Variants in NAV3 observed in about 807,000 individuals in gnomAD.
NAV3 encodes the protein neuron navigator 3, also known as pore membrane and/or filament interacting like protein 1.
A neutral mutation model predicts 244.7 loss-of-function variants in NAV3; 87 were observed. That is an observed-to-expected ratio of 0.36 (90% CI 0.30 to 0.42). The LOEUF is 0.42. Among genes scored for constraint, NAV3 ranks in the 20% least tolerant of loss-of-function variants. NAV3 has a pLI of 1.00. For synonymous variants in NAV3, 1,126 were observed against 1,042.2 expected, an observed-to-expected ratio of 1.08 and a Z score of -1.55; for missense variants, 2,663 against 2,893.3, an observed-to-expected ratio of 0.92 and a Z score of 1.83.
At chr12:77,694,440 T>A (rs1875195007) in intron 2 of NAV3, among the ~76,000 whole-genome samples, 1 of 150,280 alleles carries the variant, frequency 6.7e-6, no homozygotes, top group Non-Finnish European at 1.5e-5. Context: ...ACCACTGCAC[T>A]CCAGCCTGGG....
chr12:77,859,758 C>CAAAAAAAAAAAAA (rs61516625), intron 1 of NAV3, among the ~76,000 whole-genome samples: 17 of 68,714 alleles, frequency 2.5e-4, no homozygotes, highest in East Asian at 1.1e-3. Flanking sequence ...CTTTCAAATG[C>CAAAAAAAAAAAAA]AAAAAAAAAA....
At chr12:77,994,233 A>G (rs1871944211) in intron 5 of NAV3, among the ~76,000 whole-genome samples, 2 of 152,382 alleles carry the variant, frequency 1.3e-5, no homozygotes, top group South Asian at 4.1e-4. Context: ...CCAAGACAAA[A>G]CATCTTTTAT....
intron 2 of NAV3, among the ~76,000 whole-genome samples, chr12:77,727,669 T>C (rs1003398645): frequency 5.9e-5 from 9 of 151,920 alleles, no homozygotes; most frequent in African/African-American, 9.7e-5. Flanking sequence ...GTTCTAAAAA[T>C]TCTGTTCTAA....
chr12:78,104,888 A>T (rs1439415089), intron 12 of NAV3, among the ~76,000 whole-genome samples: 1 of 152,160 alleles, frequency 6.6e-6, no homozygotes, highest in African/African-American at 2.4e-5. Flanking sequence ...GCTTGAAATT[A>T]ATCTATGTCA....
rs200243531 is a variant in NAV3 at position 78,180,990 on chromosome 12, G to C, written c.5637G>C (p.Arg1879Ser). The change falls in exon 30 of 40, where the codon AGG (arginine) becomes AGC (serine). Residue 1879 changes from arginine to serine, a missense_variant. Transcript: ENST00000397909. The part of the protein sequence containing the change: ...SSSSTSSSSS[R>S]QSLGLSLNNL... ...GCAGCACCTCCTCTTCATCTTCCAGGCAGTCATTAGGACTTTCTCTAAACA... is the reference window on the plus strand; with the variant it reads ...GCAGCACCTCCTCTTCATCTTCCAGCCAGTCATTAGGACTTTCTCTAAACA... 6.2e-7 allele frequency: 1 copy of C among 1,613,082 alleles called. No individual in the cohort carries two copies. The highest frequency in any genetic ancestry group is 1.3e-5 in the African/African-American group (1 of 74,816).
At chr12:77,808,900 C>A (rs1019939787) in intron 2 of NAV3, among the ~76,000 whole-genome samples, 57 of 152,338 alleles carry the variant, frequency 3.7e-4, no homozygotes, top group African/African-American at 1.3e-3. Flanking sequence ...GGGAGGCAGT[C>A]TGGCTACAGT....
intron 36 of NAV3, 21 bp downstream of exon 36, chr12:78,198,697 T>C: frequency 6.6e-7 from 1 of 1,521,632 alleles, no homozygotes; most frequent in Non-Finnish European, 8.9e-7. Flanking sequence ...GTTGAAGGTT[T>C]TTTTGTTTTG....
rs373904713 is a variant in NAV3 at position 78,122,075 on chromosome 12, G to A, written c.3885G>A (p.Thr1295=). Reference sequence around the variant, plus strand: ...GTCTGGAGTCACCGTCGTCCGGTACGGGCAGCATGGGCAGTGCTGGTGGGC... The same window carrying A: ...GTCTGGAGTCACCGTCGTCCGGTACAGGCAGCATGGGCAGTGCTGGTGGGC... The part of the protein sequence containing the change: ...QGSLESPSSG[T]GSMGSAGGLS... The change falls in exon 16 of 40, where the codon ACG becomes ACA. Residue 1295 remains threonine, a synonymous_variant. Coordinates refer to ENST00000397909, the MANE Select transcript of NAV3 (RefSeq NM_001024383.2). 8.1e-6 allele frequency: 13 copies of A among 1,614,036 alleles called. No individual in the cohort carries two copies. The highest frequency in any genetic ancestry group is 5.3e-5 in the African/African-American group (4 of 74,920).
intron 2 of NAV3, among the ~76,000 whole-genome samples, chr12:77,772,390 T>C (rs963130984): frequency 2.0e-5 from 3 of 152,164 alleles, no homozygotes; most frequent in Non-Finnish European, 4.4e-5. Flanking sequence ...TGCCATCAAA[T>C]TAAATATTTT....
intron 5 of NAV3, among the ~76,000 whole-genome samples, chr12:77,972,569 T>C (rs927864915): frequency 3.9e-5 from 6 of 152,074 alleles, no homozygotes; most frequent in Non-Finnish European, 8.8e-5. Flanking sequence ...ATTCAGTATT[T>C]CTTAATTTTC....
intron 4 of NAV3, among the ~76,000 whole-genome samples, chr12:77,967,803 C>A (rs1322771473): frequency 6.6e-6 from 1 of 152,006 alleles, no homozygotes; most frequent in Non-Finnish European, 1.5e-5. Context: ...ACAAGGATTT[C>A]TGCTTATTCA....
chr12:78,003,384 A>G (rs1873663511), intron 7 of NAV3, among the ~76,000 whole-genome samples: 1 of 152,196 alleles, frequency 6.6e-6, no homozygotes, highest in Non-Finnish European at 1.5e-5. Flanking sequence ...AGTATCCTAT[A>G]TTCAGCAGGG....
intron 2 of NAV3, among the ~76,000 whole-genome samples, chr12:77,776,994 T>C (rs1565809573): frequency 6.6e-6 from 1 of 152,188 alleles, no homozygotes; most frequent in Non-Finnish European, 1.5e-5. Flanking sequence ...ACTCATTTAT[T>C]CAGTGAAATA....
At position 78,031,718 on chromosome 12, in the gene NAV3, C is replaced by T. The variant is rs1434277562; in HGVS notation, c.2023+9856C>T. 2.5e-5 allele frequency among the ~76,000 whole-genome samples: 3 copies of T among 121,228 alleles called. No individual in the cohort carries two copies. The East Asian group carries it at 7.3e-4, about 29-fold the overall frequency. 79.5% of individuals were successfully genotyped at this position (121,228 alleles called of 152,430 possible). On this transcript the variant is annotated intron_variant, in intron 9 of 39. Transcript: ENST00000397909. ...CATGGACACAGGAAGGGGAATATCA[C>T]ACTCTGGCGACTGTGGTGGGGTGGG... is the stretch of plus-strand genomic sequence containing the variant.
At chr12:78,169,610 GC>G (rs777729445) in intron 24 of NAV3, among the ~76,000 whole-genome samples, 25 of 151,538 alleles carry the variant, frequency 1.6e-4, no homozygotes, top group Non-Finnish European at 2.8e-4. Flanking sequence ...AAACATGAAT[GC>G]CTTATTATCT....
chr12:77,574,422 A>C (rs1347329125), intron 2 of NAV3, among the ~76,000 whole-genome samples: 2 of 152,186 alleles, frequency 1.3e-5, no homozygotes, highest in South Asian at 2.1e-4. Flanking sequence ...AACATCATAA[A>C]TCTTTGTAGA....
chr12:77,972,918 C>T (rs1267149533), intron 5 of NAV3, among the ~76,000 whole-genome samples: 1 of 151,950 alleles, frequency 6.6e-6, no homozygotes, highest in African/African-American at 2.4e-5. Flanking sequence ...CAGTACCTAG[C>T]ACATACCAGA....
At chr12:77,771,429 A>G (rs1870079071) in intron 2 of NAV3, among the ~76,000 whole-genome samples, 1 of 151,218 alleles carries the variant, frequency 6.6e-6, no homozygotes, top group African/African-American at 2.4e-5. Flanking sequence ...TACCCAAAGG[A>G]CTATAAATCA....
intron 1 of NAV3, among the ~76,000 whole-genome samples, chr12:77,938,173 G>A (rs755691452): frequency 4.6e-5 from 7 of 152,136 alleles, no homozygotes; most frequent in Non-Finnish European, 7.4e-5. Context: ...GTTTCTACTA[G>A]AAGGCCAAAA....
Sources: gnomAD v4.1 joint callset for allele counts (sites outside exome capture counted in the v4.1 genomes callset) on GRCh38, gnomAD v4.1.1 for gene constraint, MANE v1.5 for transcripts, NCBI Gene and HGNC (gene_info 2026-07-23, HGNC 2026-07-21) for gene names.